Variants in MYO5A observed in about 807,000 individuals in gnomAD.
MYO5A encodes the protein myosin VA.
Under a neutral mutation model 249.7 loss-of-function variants are expected in MYO5A, and 98 were observed. The observed-to-expected ratio is 0.39, with a 90% confidence interval of 0.33 to 0.46. MYO5A has a LOEUF of 0.46. Ranked by LOEUF, MYO5A falls within the 20% of genes least tolerant of loss-of-function variation. The pLI, the probability that MYO5A is intolerant of heterozygous loss-of-function variation, is 0.98. For missense variants in MYO5A, 1,696 were observed against 2,308.8 expected (o/e 0.73, Z 5.44); for synonymous variants, 778 against 810.6 (o/e 0.96, Z 0.68).
rs1292553032 is a variant in MYO5A, at chr15:52,428,448, T to C, written c.260A>G (p.His87Arg). 2 of 1,614,202 alleles carry C rather than the reference T, an allele frequency of 1.2e-6. No homozygotes were observed. The highest frequency in any genetic ancestry group is 1.3e-5 in the African/African-American group (1 of 75,062). ...ATCAATAAAGCGGACTCTGAGATTATGGAGCACAGCAGGCTCATGAAGATA... is the reference window on the plus strand; with the variant it reads ...ATCAATAAAGCGGACTCTGAGATTACGGAGCACAGCAGGCTCATGAAGATA... ...LSYLHEPAVL[H>R]NLRVRFIDSK... Residue 87 changes from histidine to arginine, a missense_variant, in exon 3 of 42, where the codon CAT (histidine) becomes CGT (arginine). Physicochemically the swap from His to Arg is conservative, Grantham distance 29 (BLOSUM62 0). This residue lies in a region of MYO5A where 197 missense variants were observed against 320.3 expected (regional missense o/e 0.62). Transcript: ENST00000399233.
intron 1 of MYO5A, among the ~76,000 whole-genome samples, chr15:52,454,947 A>C (rs750837325): frequency 3.9e-5 from 6 of 152,010 alleles, no homozygotes; most frequent in Non-Finnish European, 7.4e-5. Context: ...CAAATCCAAA[A>C]TTGGTAGAGG....
At chr15:52,513,272 A>T (rs770802411) in intron 1 of MYO5A, among the ~76,000 whole-genome samples, 3 of 151,444 alleles carry the variant, frequency 2.0e-5, no homozygotes, top group Non-Finnish European at 4.4e-5. Flanking sequence ...CTCTACTAAA[A>T]ATACAAAAAT....
chr15:52,352,108 G>C (rs542591827), intron 27 of MYO5A, among the ~76,000 whole-genome samples: 1 of 152,146 alleles, frequency 6.6e-6, no homozygotes, highest in African/African-American at 2.4e-5. Flanking sequence ...AGAGCCTTGG[G>C]AGGCAGGAGG....
intron 1 of MYO5A, among the ~76,000 whole-genome samples, chr15:52,514,225 C>G (rs571016742): frequency 1.3e-4 from 20 of 152,216 alleles, no homozygotes; most frequent in African/African-American, 4.8e-4. Flanking sequence ...GATACTGAGT[C>G]AAAAAATAAA....
intron 24 of MYO5A, among the ~76,000 whole-genome samples, 193 bp downstream of exon 24, chr15:52,364,361 A>G (rs2040701389): frequency 6.6e-6 from 1 of 152,082 alleles, no homozygotes; most frequent in African/African-American, 2.4e-5. Flanking sequence ...GATTTCTAAG[A>G]TTTGCTTTAA....
chr15:52,460,347 C>T lies in MYO5A; in HGVS notation c.28-27062G>A, dbSNP rs1367863592. 2.0e-5 allele frequency among the ~76,000 whole-genome samples: 3 copies of T among 152,210 alleles called. No homozygotes were observed. In the East Asian group the frequency reaches 5.8e-4, roughly 29 times the overall value. On this transcript the variant is annotated intron_variant, in intron 1 of 41. Coordinates refer to ENST00000399233, the MANE Select transcript of MYO5A (RefSeq NM_001382347.1). ...CCGAGATCACGCCACTGCACTCCAGCCTGGGCAACATTGAGCACTGAGTGA... is the reference window on the plus strand; with the variant it reads ...CCGAGATCACGCCACTGCACTCCAGTCTGGGCAACATTGAGCACTGAGTGA...
intron 1 of MYO5A, among the ~76,000 whole-genome samples, chr15:52,474,631 C>A (rs889798432): frequency 9.9e-5 from 15 of 152,230 alleles, no homozygotes; most frequent in African/African-American, 3.6e-4. Context: ...GCCTTTTCTG[C>A]ATCTATTGAG....
chr15:52,456,535 C>T (rs2076123098), intron 1 of MYO5A, among the ~76,000 whole-genome samples: 1 of 151,956 alleles, frequency 6.6e-6, no homozygotes, highest in African/African-American at 2.4e-5. Flanking sequence ...AAAAACAAAG[C>T]TGGAGGCATG....
chr15:52,469,950 T>G (rs550609952), intron 1 of MYO5A, among the ~76,000 whole-genome samples: 1 of 152,336 alleles, frequency 6.6e-6, no homozygotes, highest in Non-Finnish European at 1.5e-5. Context: ...CTCCCCACCC[T>G]TTTTGCCACA....
At chr15:52,510,905 TTTGA>T (rs2077377426) in intron 1 of MYO5A, among the ~76,000 whole-genome samples, 1 of 152,242 alleles carries the variant, frequency 6.6e-6, no homozygotes, top group Non-Finnish European at 1.5e-5. Context: ...TACCCATCAC[TTTGA>T]TTTTTTGTGA....
intron 6 of MYO5A, among the ~76,000 whole-genome samples, chr15:52,409,475 G>A (rs1488432770): frequency 6.6e-6 from 1 of 152,062 alleles, no homozygotes; most frequent in Non-Finnish European, 1.5e-5. Flanking sequence ...TATTTTAGGT[G>A]GCCACAAATC....
intron 1 of MYO5A, among the ~76,000 whole-genome samples, chr15:52,442,358 G>A (rs1453243005): frequency 6.6e-6 from 1 of 152,162 alleles, no homozygotes. Context: ...TAAAATGGGT[G>A]TAAGAGAAAA....
chr15:52,472,141 G>C (rs1043498196), intron 1 of MYO5A, among the ~76,000 whole-genome samples: 2 of 151,586 alleles, frequency 1.3e-5, no homozygotes, highest in Non-Finnish European at 2.9e-5. Flanking sequence ...TGCAGTGGCA[G>C]GATCTCGGCT....
At chr15:52,375,168 A>G in intron 20 of MYO5A, 136 bp downstream of exon 20, 1 of 881,426 alleles carries the variant, frequency 1.1e-6, no homozygotes, top group Non-Finnish European at 1.7e-6. Flanking sequence ...TTTAAAATAA[A>G]TAAATATGCA....
intron 5 of MYO5A, among the ~76,000 whole-genome samples, chr15:52,414,199 T>C (rs1714329622): frequency 6.6e-6 from 1 of 152,184 alleles, no homozygotes; most frequent in African/African-American, 2.4e-5. Context: ...TTCCCGTTTG[T>C]GTGTGTCCAC....
In MYO5A at chr15:52,380,371, G is replaced by A. The variant is rs1004342426; in HGVS notation, c.2013-463C>T. Among the ~76,000 whole-genome samples, 6 of 152,146 alleles carry A rather than the reference G, an allele frequency of 3.9e-5. No homozygotes were observed. The South Asian group carries it at 1.0e-3, about 26-fold the overall frequency. The stretch of plus-strand genomic sequence containing the variant: ...GAATCACTTGAACCTGGGAGGTAGA[G>A]GTTGCAGTGAGCCAAGATCGCACCA... On this transcript the variant is annotated intron_variant, in intron 16 of 41. Transcript: ENST00000399233.
At chr15:52,372,504 A>G in intron 20 of MYO5A, 141 bp from the exon 21 acceptor site, 1 of 1,160,752 alleles carries the variant, frequency 8.6e-7, no homozygotes, top group Non-Finnish European at 1.2e-6. Flanking sequence ...TGTAGATTAT[A>G]CTTATCACAG....
At chr15:52,417,757 C>T (rs1478426816) in intron 4 of MYO5A, among the ~76,000 whole-genome samples, 1 of 150,378 alleles carries the variant, frequency 6.6e-6, no homozygotes, top group Admixed American at 6.6e-5. Flanking sequence ...GCCTCACATG[C>T]TCATGTGCCC....
intron 1 of MYO5A, among the ~76,000 whole-genome samples, chr15:52,472,112 CT>C (rs1469499534): frequency 1.4e-5 from 2 of 147,904 alleles, no homozygotes; most frequent in Non-Finnish European, 3.0e-5. Flanking sequence ...GAGTCTCGCT[CT>C]TGTTGCCCAG....
Sources: gnomAD v4.1 joint callset for allele counts (sites outside exome capture counted in the v4.1 genomes callset) on GRCh38, gnomAD v4.1.1 for gene constraint, gnomAD v4.1.1 regional missense constraint, MANE v1.5 for transcripts, NCBI Gene and HGNC (gene_info 2026-07-23, HGNC 2026-07-21) for gene names.